Variants in DPY19L1 observed in about 807,000 individuals in gnomAD.
The protein encoded by DPY19L1 is protein C-mannosyl-transferase DPY19L1.
In DPY19L1, 35 loss-of-function variants were observed where a neutral mutation model predicts 96.9. That is an observed-to-expected ratio of 0.36 (90% confidence interval 0.28 to 0.48). The LOEUF is 0.48. Among genes scored for constraint, DPY19L1 ranks in the 20% least tolerant of loss-of-function variants. The pLI is 0.99. For missense variants in DPY19L1, 521 were observed against 777.9 expected (o/e 0.67, Z 3.93); for synonymous variants, 205 against 252.6 (o/e 0.81, Z 1.79).
intron 7 of DPY19L1, among the ~76,000 whole-genome samples, chr7:34,986,264 T>C (rs980735004): frequency 6.6e-6 from 1 of 152,024 alleles, no homozygotes; most frequent in African/African-American, 2.4e-5. Context: ...AGTTAATGTA[T>C]TGCATATTTC....
intron 7 of DPY19L1, among the ~76,000 whole-genome samples, chr7:34,988,833 T>C (rs989643772): frequency 1.4e-5 from 2 of 138,258 alleles, no homozygotes; most frequent in Non-Finnish European, 3.1e-5. Context: ...TCTGAATTTA[T>C]AGTAGAATTT....
At chr7:34,949,749 A>C in intron 14 of DPY19L1, 48 bp downstream of exon 14, 1 of 1,228,688 alleles carries the variant, frequency 8.1e-7, no homozygotes, top group Non-Finnish European at 1.2e-6. Flanking sequence ...CTTATGAAAA[A>C]TGTATGGGCC....
At chr7:34,966,783 T>C (rs1784619310) in intron 10 of DPY19L1, 111 bp downstream of exon 10, 3 of 1,032,696 alleles carry the variant, frequency 2.9e-6, no homozygotes, top group African/African-American at 1.7e-5. Context: ...TTGAACAACA[T>C]TTGTTTTAGT....
chr7:34,969,260 C>T (rs1784675083), intron 9 of DPY19L1, among the ~76,000 whole-genome samples, 173 bp downstream of exon 9: 1 of 151,910 alleles, frequency 6.6e-6, no homozygotes. Context: ...CTACCCTGAA[C>T]TTTCTTTTGT....
intron 3 of DPY19L1, among the ~76,000 whole-genome samples, chr7:35,015,232 A>C (rs1785815083): frequency 6.6e-6 from 1 of 152,236 alleles, no homozygotes. Context: ...AAATGAAAGA[A>C]AGGAATTAAC....
intron 1 of DPY19L1, among the ~76,000 whole-genome samples, chr7:35,028,382 C>T (rs902608264): frequency 2.8e-4 from 43 of 152,078 alleles, no homozygotes; most frequent in Admixed American, 1.6e-3. Flanking sequence ...CATCCCAAAG[C>T]GGAATATAAT....
intron 21 of DPY19L1, among the ~76,000 whole-genome samples, chr7:34,933,506 T>G (rs1783802409): frequency 6.6e-6 from 1 of 152,212 alleles, no homozygotes; most frequent in Non-Finnish European, 1.5e-5. Flanking sequence ...AGGATCAAAG[T>G]ATTGTTTCTG....
chr7:34,943,665 T>C (rs1784073973), intron 16 of DPY19L1, among the ~76,000 whole-genome samples: 1 of 152,190 alleles, frequency 6.6e-6, no homozygotes, highest in South Asian at 2.1e-4. Flanking sequence ...AGAGCTCTGA[T>C]CCTATTTGAA....
intron 16 of DPY19L1, among the ~76,000 whole-genome samples, chr7:34,945,332 T>C (rs1784121501): frequency 6.6e-6 from 1 of 152,178 alleles, no homozygotes; most frequent in Admixed American, 6.5e-5. Context: ...TCCCTGCTCA[T>C]TTCCAAAAAG....
intron 21 of DPY19L1, 126 bp downstream of exon 21, chr7:34,937,868 G>T (rs1455662145): frequency 3.1e-6 from 3 of 974,632 alleles, no homozygotes; most frequent in African/African-American, 3.9e-5. Flanking sequence ...AAAAAAAAAA[G>T]AAGAAGTTTT....
chr7:34,966,487 T>C (rs1292814690), intron 10 of DPY19L1, among the ~76,000 whole-genome samples: 1 of 152,036 alleles, frequency 6.6e-6, no homozygotes, highest in Non-Finnish European at 1.5e-5. Flanking sequence ...AGATGAGATC[T>C]GGCTCTGTTG....
intron 10 of DPY19L1, among the ~76,000 whole-genome samples, chr7:34,965,809 C>T (rs1180930246): frequency 6.6e-6 from 1 of 152,048 alleles, no homozygotes; most frequent in African/African-American, 2.4e-5. Flanking sequence ...GAACATCAAC[C>T]AACCAGCTTT....
chr7:34,972,934 T>G (rs1481037008), intron 8 of DPY19L1, among the ~76,000 whole-genome samples: 1 of 152,236 alleles, frequency 6.6e-6, no homozygotes, highest in East Asian at 1.9e-4. Flanking sequence ...CCAAAGGGTT[T>G]GGCATAACAG....
At chr7:35,012,346 T>A (rs1785732844) in intron 4 of DPY19L1, among the ~76,000 whole-genome samples, 1 of 152,138 alleles carries the variant, frequency 6.6e-6, no homozygotes, top group African/African-American at 2.4e-5. Context: ...CCCCTTCAGG[T>A]GTTGGCCCTA....
At position 35,023,839 on chromosome 7, in the gene DPY19L1, T is replaced by TC. The variant is rs1464187433; in HGVS notation, c.299-5244_299-5243insG. Among the ~76,000 whole-genome samples the TC allele has an allele frequency of 3.8e-3, 548 of 143,924 alleles. 1 individual carries two copies. Among genetic ancestry groups the TC allele is most frequent in the Middle Eastern group, 0.01 (3 of 288 alleles). The allele number at this position is 143,924 out of a possible 152,430, so 94.4% of individuals were successfully genotyped here. A position where few individuals can be genotyped will look rare whatever the true frequency, so the allele number is the denominator to read the frequency against. On this transcript the variant is annotated intron_variant, in intron 1 of 21. Transcript: ENST00000638088. ...ATTCTTTTTCTTTTCTTTTCTTTTT[T>TC]TTTTTTTTTTTTTTGAGACAGGGTC...
intron 10 of DPY19L1, among the ~76,000 whole-genome samples, chr7:34,965,105 A>G (rs547676545): frequency 6.6e-6 from 1 of 152,322 alleles, no homozygotes; most frequent in Non-Finnish European, 1.5e-5. Flanking sequence ...GAACATGTAC[A>G]TAATTTACCA....
intron 6 of DPY19L1, among the ~76,000 whole-genome samples, chr7:35,005,372 G>A (rs1409768420): frequency 7.3e-5 from 11 of 151,686 alleles, no homozygotes. Flanking sequence ...CAAAGGCAGG[G>A]CTGCTAAGTA....
At chr7:34,973,176 T>C (rs185558557) in intron 8 of DPY19L1, among the ~76,000 whole-genome samples, 1 of 152,300 alleles carries the variant, frequency 6.6e-6, no homozygotes, top group African/African-American at 2.4e-5. Context: ...CAGGATACAC[T>C]ATAGCATGAC....
At chr7:34,986,574 G>A (rs970599018) in intron 7 of DPY19L1, among the ~76,000 whole-genome samples, 11 of 151,960 alleles carry the variant, frequency 7.2e-5, no homozygotes, top group African/African-American at 1.2e-4. Context: ...ATAAGAATAA[G>A]AATTAATGAG....
Sources: gnomAD v4.1 joint callset for allele counts (sites outside exome capture counted in the v4.1 genomes callset) on GRCh38, gnomAD v4.1.1 for gene constraint, MANE v1.5 for transcripts, NCBI Gene and HGNC (gene_info 2026-07-23, HGNC 2026-07-21) for gene names.